Variants in PRUNE2 observed in about 807,000 individuals in gnomAD.
PRUNE2 encodes the protein prune homolog 2 with BCH domain.
Under a neutral mutation model 252.0 loss-of-function variants are expected in PRUNE2, and 164 were observed. The observed-to-expected ratio is 0.65, with a 90% CI of 0.57 to 0.74. The LOEUF is 0.74. Ranked by LOEUF, PRUNE2 falls within the 30% of genes least tolerant of loss-of-function variation. PRUNE2 has a pLI of 0.00. For synonymous variants in PRUNE2, 1,292 were observed against 1,350.2 expected (o/e 0.96, Z 0.94); for missense variants, 3,495 against 3,711.0 (o/e 0.94, Z 1.51).
intron 6 of PRUNE2, among the ~76,000 whole-genome samples, chr9:76,750,024 T>C (rs1275421196): frequency 1.3e-5 from 2 of 152,114 alleles, no homozygotes; most frequent in African/African-American, 4.8e-5. Flanking sequence ...CTGGGTGGGC[T>C]TCCGTGTTGA....
At chr9:76,804,364 T>C (rs2056785573) in intron 6 of PRUNE2, among the ~76,000 whole-genome samples, 1 of 152,192 alleles carries the variant, frequency 6.6e-6, no homozygotes, top group South Asian at 2.1e-4. Context: ...AAATTTCTTC[T>C]CTTTTCTATT....
chr9:76,808,589 C>T (rs2057142456), intron 6 of PRUNE2: 1 of 152,350 alleles, frequency 6.6e-6, no homozygotes, highest in African/African-American at 2.4e-5. Flanking sequence ...CCAGCCTTCT[C>T]CATCTCCTAC....
intron 3 of PRUNE2, among the ~76,000 whole-genome samples, chr9:76,848,284 G>C (rs1026552983): frequency 6.6e-6 from 1 of 152,070 alleles, no homozygotes; most frequent in Non-Finnish European, 1.5e-5. Flanking sequence ...AAAAGAAATA[G>C]TTAACATGTA....
intron 6 of PRUNE2, among the ~76,000 whole-genome samples, chr9:76,746,711 CAAAAAAAAAAAAAAAAAA>C (rs57001696): frequency 1.3e-5 from 1 of 76,132 alleles, no homozygotes; most frequent in African/African-American, 5.3e-5. Context: ...GACTCCGTCT[CAAAAAAAAAAAAAAAAAA>C]AAAAAAAAAA....
chr9:76,635,774 G>A (rs925251816), intron 15 of PRUNE2, among the ~76,000 whole-genome samples: 2 of 152,112 alleles, frequency 1.3e-5, no homozygotes, highest in African/African-American at 2.4e-5. Flanking sequence ...CTGATGGTGG[G>A]CAAATTTTAT....
At chr9:76,652,787 T>G (rs1422581667) in intron 10 of PRUNE2, 104 bp from the exon 11 acceptor site, 1 of 772,806 alleles carries the variant, frequency 1.3e-6, no homozygotes, top group African/African-American at 1.7e-5. Flanking sequence ...ACTTTTTGAG[T>G]GCCAACATGA....
intron 3 of PRUNE2, among the ~76,000 whole-genome samples, chr9:76,849,085 A>G (rs910441044): frequency 1.1e-4 from 17 of 151,922 alleles, no homozygotes; most frequent in African/African-American, 3.9e-4. Context: ...ATTTCTTTGT[A>G]TTTTTTGTGG....
chr9:76,687,597 T>C lies in PRUNE2; in HGVS notation c.8276+15740A>G, dbSNP rs184391623. ...TTTCCAAAGCAGACTGCCACAAGCT[T>C]TGACAGTTGTAGCTTCTTTCTGATA... On this transcript the variant is annotated intron_variant, in intron 9 of 18. Transcript: ENST00000376718. The C allele has an allele frequency of 4.1e-3, 1,632 of 393,590 alleles. 9 individuals are homozygous for C. The highest frequency in any genetic ancestry group is 6.9e-3 in the Non-Finnish European group (1,340 of 194,010). The allele number at this position is 393,590 out of a possible 1,614,324, so 24.4% of individuals were successfully genotyped here. A position where few individuals can be genotyped will look rare whatever the true frequency, so the allele number is the denominator to read the frequency against.
rs538277431 is a variant in PRUNE2 at position 76,698,150 on chromosome 9, G to A, written c.8276+5187C>T. 1.1e-4 allele frequency among the ~76,000 whole-genome samples: 16 copies of A among 151,526 alleles called. No individual in the cohort carries two copies. The South Asian group carries it at 3.1e-3, about 30-fold the overall frequency. Reference sequence around the variant, plus strand: ...CAACCTCCGCCTCCTGGGTTCAAGCGATTCTCTTGCCTCAGCCTCCCGAGT... The same window carrying A: ...CAACCTCCGCCTCCTGGGTTCAAGCAATTCTCTTGCCTCAGCCTCCCGAGT... On this transcript the variant is annotated intron_variant, in intron 9 of 18. Coordinates refer to ENST00000376718, the MANE Select transcript of PRUNE2 (RefSeq NM_015225.3).
chr9:76,675,550 C>A (rs1231219826), intron 9 of PRUNE2, among the ~76,000 whole-genome samples: 2 of 82,254 alleles, frequency 2.4e-5, no homozygotes, highest in African/African-American at 6.7e-5. Context: ...TTTGACCCAG[C>A]CATCCCATTA....
At chr9:76,696,656 C>T (rs767009110) in intron 9 of PRUNE2, among the ~76,000 whole-genome samples, 1 of 152,188 alleles carries the variant, frequency 6.6e-6, no homozygotes. Flanking sequence ...AAACTCCTGA[C>T]CTCAAGTGAT....
chr9:76,739,998 T>C (rs761468946), intron 6 of PRUNE2: 7 of 151,920 alleles, frequency 4.6e-5, no homozygotes, highest in Admixed American at 2.6e-4. Context: ...GGCAGGAGAA[T>C]TGGGTGAACC....
chr9:76,713,777 T>G (rs2046925287), intron 6 of PRUNE2, 56 bp from the exon 7 acceptor site: 1 of 1,316,878 alleles, frequency 7.6e-7, no homozygotes, highest in Non-Finnish European at 1.1e-6. Context: ...CTGCGGGGAG[T>G]TGTTCCACAA....
chr9:76,837,237 A>T (rs2059039083), intron 4 of PRUNE2, among the ~76,000 whole-genome samples: 1 of 152,072 alleles, frequency 6.6e-6, no homozygotes, highest in South Asian at 2.1e-4. Context: ...AGGTGAAGCG[A>T]TTGAGACCAT....
intron 13 of PRUNE2, 96 bp downstream of exon 13, chr9:76,638,090 T>C: frequency 1.3e-6 from 1 of 778,898 alleles, no homozygotes; most frequent in African/African-American, 1.7e-5. Flanking sequence ...GCTTAGAACA[T>C]TCTACATCAT....
intron 9 of PRUNE2, among the ~76,000 whole-genome samples, chr9:76,663,108 A>G (rs1267241429): frequency 6.6e-6 from 1 of 152,212 alleles, no homozygotes; most frequent in Non-Finnish European, 1.5e-5. Context: ...TACTTATCAA[A>G]TTACTCAAAG....
At chr9:76,666,801 C>T (rs1391727030) in intron 9 of PRUNE2, among the ~76,000 whole-genome samples, 10 of 152,182 alleles carry the variant, frequency 6.6e-5, no homozygotes, top group Non-Finnish European at 2.9e-5. Flanking sequence ...CGTCTCCGCA[C>T]ACAGGGAGAA....
intron 9 of PRUNE2, among the ~76,000 whole-genome samples, chr9:76,690,545 T>A (rs115446147): frequency 9.3e-4 from 141 of 152,312 alleles, no homozygotes; most frequent in African/African-American, 3.2e-3. Context: ...GGAGAGATAA[T>A]CTTCCCAGGA....
intron 17 of PRUNE2, among the ~76,000 whole-genome samples, chr9:76,621,827 A>G (rs1372368168): frequency 6.6e-6 from 1 of 152,022 alleles, no homozygotes; most frequent in Non-Finnish European, 1.5e-5. Context: ...GACTGCAGGC[A>G]CATACCACCA....
Sources: gnomAD v4.1 joint callset for allele counts (sites outside exome capture counted in the v4.1 genomes callset) on GRCh38, gnomAD v4.1.1 for gene constraint, MANE v1.5 for transcripts, NCBI Gene and HGNC (gene_info 2026-07-23, HGNC 2026-07-21) for gene names.